Variants in PAPPA2 observed in about 807,000 individuals in gnomAD.
PAPPA2 encodes the protein pappalysin-2.
A neutral mutation model predicts 176.4 loss-of-function variants in PAPPA2; 86 were observed. The observed-to-expected ratio is 0.49, with a 90% CI of 0.41 to 0.58. The LOEUF (loss-of-function observed/expected upper bound fraction) is 0.58, where lower values mean the gene tolerates loss of function less well. Among genes scored for constraint, PAPPA2 ranks in the 20% least tolerant of loss-of-function variants. PAPPA2 has a pLI of 0.00. For synonymous variants in PAPPA2, 809 were observed against 852.2 expected (o/e 0.95, Z 0.88); for missense variants, 2,073 against 2,256.9 (o/e 0.92, Z 1.65).
At chr1:176,688,755 T>C (rs558949431) in intron 4 of PAPPA2, among the ~76,000 whole-genome samples, 4 of 152,282 alleles carry the variant, frequency 2.6e-5, no homozygotes, top group East Asian at 3.9e-4. Flanking sequence ...CTGTCCTGTG[T>C]AGTACAGTAG....
chr1:176,695,268 TA>T (rs1313165016), intron 6 of PAPPA2, among the ~76,000 whole-genome samples: 1 of 152,192 alleles, frequency 6.6e-6, no homozygotes, highest in Non-Finnish European at 1.5e-5. Context: ...ACCTGACTTT[TA>T]TTTTATGTAA....
intron 21 of PAPPA2, among the ~76,000 whole-genome samples, chr1:176,801,970 G>A (rs1665701820): frequency 6.6e-6 from 1 of 152,054 alleles, no homozygotes; most frequent in Admixed American, 6.6e-5. Context: ...CCTGACTGCT[G>A]GGCTGATGTC....
At chr1:176,535,418 A>G (rs1650018926) in intron 1 of PAPPA2, among the ~76,000 whole-genome samples, 1 of 152,198 alleles carries the variant, frequency 6.6e-6, no homozygotes, top group South Asian at 2.1e-4. Flanking sequence ...CACTTTCTCT[A>G]CTACTTTTTT....
intron 3 of PAPPA2, among the ~76,000 whole-genome samples, chr1:176,642,954 G>A (rs1411541027): frequency 6.6e-6 from 1 of 151,820 alleles, no homozygotes; most frequent in African/African-American, 2.4e-5. Context: ...AAGAGACTGT[G>A]TTCACCTATT....
intron 21 of PAPPA2, among the ~76,000 whole-genome samples, chr1:176,816,470 G>A (rs1004702558): frequency 6.6e-6 from 1 of 150,758 alleles, no homozygotes; most frequent in Admixed American, 6.6e-5. Context: ...CTTTCTGTTG[G>A]TTCTAGGTAT....
chr1:176,669,468 T>C lies in PAPPA2; in HGVS notation c.1992-1502T>C, dbSNP rs138794171. Reference sequence around the variant, plus strand: ...AATAAAGGAGAAAATAAGGAGAATGTGACTAATATCTTGGGAAAACCAGGC... The same window carrying C: ...AATAAAGGAGAAAATAAGGAGAATGCGACTAATATCTTGGGAAAACCAGGC... On this transcript the variant is annotated intron_variant, in intron 3 of 22. Transcript: ENST00000367662. 7.7e-4 allele frequency among the ~76,000 whole-genome samples: 117 copies of C among 152,256 alleles called. 1 individual carries two copies. In the East Asian group the frequency reaches 0.02, roughly 26 times the overall value.
chr1:176,502,420 G>A (rs1038770467), intron 1 of PAPPA2, among the ~76,000 whole-genome samples: 11 of 152,102 alleles, frequency 7.2e-5, no homozygotes, highest in African/African-American at 2.4e-4. Flanking sequence ...CATTGGGAAT[G>A]GCTAATGCAA....
chr1:176,690,245 G>A lies in PAPPA2; in HGVS notation c.2246G>A (p.Ser749Asn). 6.2e-7 allele frequency: 1 copy of A among 1,614,096 alleles called. No homozygotes were observed. The highest frequency in any genetic ancestry group is 1.1e-5 in the South Asian group (1 of 91,066). Residue 749 changes from serine (S) to asparagine (N), a missense_variant, in exon 5 of 23, where the codon AGT (serine) becomes AAT (asparagine). By Grantham distance (46) the Ser-to-Asn change is conservative. This residue lies in a region of PAPPA2 where 1,196 missense variants were observed against 1,330.4 expected (regional missense o/e 0.90). Coordinates refer to ENST00000367662, the MANE Select transcript of PAPPA2 (RefSeq NM_020318.3). ...LGLYHVFKGV[S>N]ERESCNDPCK... The stretch of plus-strand genomic sequence containing the variant: ...CTCTACCATGTCTTTAAAGGAGTCA[G>A]TGAAAGAGAATCCTGCAATGACCCC...
At chr1:176,471,661 G>C (rs1651881199) in intron 1 of PAPPA2, among the ~76,000 whole-genome samples, 1 of 152,098 alleles carries the variant, frequency 6.6e-6, no homozygotes, top group South Asian at 2.1e-4. Flanking sequence ...CACAACTTTA[G>C]TTGTGGTTTT....
chr1:176,739,525 T>G, intron 12 of PAPPA2, 101 bp from the exon 13 acceptor site: 1 of 1,310,130 alleles, frequency 7.6e-7, no homozygotes, highest in Admixed American at 2.5e-5. Context: ...AGCTCTTACT[T>G]TATAAATAGT....
At chr1:176,622,163 G>A (rs936650741) in intron 3 of PAPPA2, among the ~76,000 whole-genome samples, 1 of 152,078 alleles carries the variant, frequency 6.6e-6, no homozygotes, top group African/African-American at 2.4e-5. Context: ...GTTATTTCAG[G>A]CAACATTTAC....
chr1:176,693,025 T>G (rs541680130), intron 6 of PAPPA2, among the ~76,000 whole-genome samples: 1 of 152,324 alleles, frequency 6.6e-6, no homozygotes, highest in South Asian at 2.1e-4. Context: ...CATATTGGTT[T>G]GAAAGAATAA....
chr1:176,716,386 C>G (rs1661373808), intron 12 of PAPPA2, among the ~76,000 whole-genome samples: 1 of 151,612 alleles, frequency 6.6e-6, no homozygotes, highest in African/African-American at 2.4e-5. Flanking sequence ...GCTGGAATTA[C>G]AGGTGCCCGC....
intron 4 of PAPPA2, among the ~76,000 whole-genome samples, chr1:176,682,630 C>A (rs1183278719): frequency 2.2e-5 from 3 of 137,960 alleles, no homozygotes; most frequent in Admixed American, 7.0e-5. Context: ...TTAAAAATAT[C>A]CAATAAATTA....
chr1:176,773,389 C>T (rs543426042), intron 17 of PAPPA2, among the ~76,000 whole-genome samples: 2 of 152,224 alleles, frequency 1.3e-5, no homozygotes, highest in East Asian at 3.9e-4. Flanking sequence ...AAATGAGGCC[C>T]TCAACTTCTT....
At chr1:176,481,767 C>T (rs886215282) in intron 1 of PAPPA2, among the ~76,000 whole-genome samples, 11 of 152,144 alleles carry the variant, frequency 7.2e-5, no homozygotes, top group African/African-American at 1.7e-4. Flanking sequence ...TGCAGTGCCG[C>T]GATCTCGGCT....
At chr1:176,782,136 A>G (rs1664747312) in intron 17 of PAPPA2, among the ~76,000 whole-genome samples, 1 of 152,236 alleles carries the variant, frequency 6.6e-6, no homozygotes, top group African/African-American at 2.4e-5. Flanking sequence ...ATTTGGCATG[A>G]GACTCATCAT....
chr1:176,683,772 C>T (rs1042008597), intron 4 of PAPPA2, among the ~76,000 whole-genome samples: 3 of 152,054 alleles, frequency 2.0e-5, no homozygotes, highest in Non-Finnish European at 4.4e-5. Context: ...GTCAGTGGTT[C>T]CTCTCTAGGG....
intron 4 of PAPPA2, among the ~76,000 whole-genome samples, chr1:176,689,547 A>G (rs2102803822): frequency 6.6e-6 from 1 of 152,330 alleles, no homozygotes; most frequent in Middle Eastern, 3.4e-3. Flanking sequence ...TAATGTGCCA[A>G]ACACTGAAAA....
Sources: allele counts gnomAD v4.1 joint callset (sites outside exome capture counted in the v4.1 genomes callset), GRCh38; gene constraint gnomAD v4.1.1; regional missense constraint gnomAD v4.1.1; transcripts MANE v1.5; gene names NCBI Gene and HGNC (gene_info 2026-07-23, HGNC 2026-07-21).